Variants in MOCOS observed in about 807,000 individuals in gnomAD.
The protein encoded by MOCOS is molybdenum cofactor sulfurase, also known as human molybdenum cofactor sulfurase.
MOCOS carries 86 observed loss-of-function variants against 83.6 expected under a neutral mutation model. The ratio of observed to expected loss-of-function variants is 1.03; its 90% CI spans 0.86 to 1.23. The LOEUF is 1.23. Among genes scored for constraint, MOCOS ranks in the 50% most tolerant of loss-of-function variants. The probability of loss-of-function intolerance (pLI) is 0.00; values close to 1 mark genes in which losing one functional copy is unlikely to be tolerated. For missense variants in MOCOS, 1,120 were observed against 1,126.9 expected, an observed-to-expected ratio of 0.99 and a Z score of 0.09; for synonymous variants, 445 against 434.7, an observed-to-expected ratio of 1.02 and a Z score of -0.29.
chr18:36,213,801 C>G (rs906031652), intron 7 of MOCOS, among the ~76,000 whole-genome samples: 1 of 151,804 alleles, frequency 6.6e-6, no homozygotes, highest in Non-Finnish European at 1.5e-5. Flanking sequence ...TGATGGCATG[C>G]GCCTGTAATC....
intron 5 of MOCOS, 110 bp from the exon 6 acceptor site, chr18:36,204,967 T>C (rs2091428921): frequency 9.2e-6 from 9 of 975,448 alleles, no homozygotes; most frequent in Non-Finnish European, 1.3e-5. Context: ...CACTCCAGCC[T>C]GGGTGACAGA....
chr18:36,262,774 G>A (rs1219612569), intron 13 of MOCOS, among the ~76,000 whole-genome samples: 1 of 152,210 alleles, frequency 6.6e-6, no homozygotes, highest in Non-Finnish European at 1.5e-5. Flanking sequence ...TGGGATTATA[G>A]GCATAGGCCA....
At chr18:36,209,732 T>A (rs954053116) in intron 6 of MOCOS, among the ~76,000 whole-genome samples, 3 of 152,232 alleles carry the variant, frequency 2.0e-5, no homozygotes, top group Non-Finnish European at 4.4e-5. Flanking sequence ...CTTTATCCAC[T>A]CATTGGTTGA....
chr18:36,249,490 G>T (rs1474909425), intron 10 of MOCOS, among the ~76,000 whole-genome samples: 2 of 152,164 alleles, frequency 1.3e-5, no homozygotes, highest in Non-Finnish European at 2.9e-5. Flanking sequence ...ACAGTGTCAA[G>T]AGGACAGTGT....
intron 6 of MOCOS, among the ~76,000 whole-genome samples, chr18:36,211,332 C>G (rs2091454828): frequency 6.6e-6 from 1 of 151,318 alleles, no homozygotes; most frequent in Admixed American, 6.6e-5. Context: ...TGATTAAGAG[C>G]AGGGACTCAG....
rs551000650 is a variant in MOCOS at position 36,261,083 on chromosome 18, T to C, written c.2409+908T>C. On this transcript the variant is annotated intron_variant, in intron 13 of 14. Transcript: ENST00000261326. ...TTGAATGACACTGGCCCAGAGTCAGTGCTCAATAAGTAATTGTTGAGGGAA... is the reference window on the plus strand; with the variant it reads ...TTGAATGACACTGGCCCAGAGTCAGCGCTCAATAAGTAATTGTTGAGGGAA... 8.5e-5 allele frequency among the ~76,000 whole-genome samples: 13 copies of C among 152,162 alleles called. No homozygotes were observed. The South Asian group carries it at 1.7e-3, about 19-fold the overall frequency.
intron 4 of MOCOS, 137 bp from the exon 5 acceptor site, chr18:36,202,976 A>G (rs1378894324): frequency 1.7e-5 from 14 of 817,420 alleles, no homozygotes; most frequent in Non-Finnish European, 2.8e-5. Context: ...ACAATTAGAG[A>G]TGAGATTTAG....
chr18:36,247,033 G>A (rs2091605086), intron 9 of MOCOS, among the ~76,000 whole-genome samples: 1 of 151,846 alleles, frequency 6.6e-6, no homozygotes, highest in Non-Finnish European at 1.5e-5. Context: ...ACTTGCTGTG[G>A]CCACTCTGGG....
Position 36,199,852 on chromosome 18 carries a change from G to A in MOCOS, c.469G>A (p.Gly157Ser), listed in dbSNP as rs1441023873. The A allele has an allele frequency of 6.2e-7, 1 of 1,614,032 alleles. No homozygotes were observed. Among genetic ancestry groups the A allele is most frequent in the African/African-American group, 1.3e-5 (1 of 74,914 alleles). ...YLTDSHTSVV[G>S]MRNVTMAINV... ...CACCGACAGCCACACCTCCGTAGTG[G>A]GTATGCGGAACGTGACCATGGCTAT... The change falls in exon 4 of 15, where the codon GGT becomes AGT. Residue 157 changes from glycine to serine, a missense_variant. Coordinates refer to ENST00000261326, the MANE Select transcript of MOCOS (RefSeq NM_017947.4).
chr18:36,266,571 A>C (rs1017103521), intron 13 of MOCOS, among the ~76,000 whole-genome samples, 178 bp from the exon 14 acceptor site: 1 of 152,118 alleles, frequency 6.6e-6, no homozygotes, highest in South Asian at 2.1e-4. Context: ...GACCTTAAGC[A>C]GTGGTCTTTT....
In MOCOS at chr18:36,248,926, G is replaced by A. The variant is rs1050180430; in HGVS notation, c.1965G>A (p.Met655Ile). The change falls in exon 10 of 15, where the codon ATG becomes ATA. Residue 655 changes from methionine (M) to isoleucine (I), a missense_variant. Coordinates refer to ENST00000261326, the MANE Select transcript of MOCOS (RefSeq NM_017947.4). ...TTTTTAACCTTTGTTCATTAGGGAT[G>A]GAGCCTATAGAGGTGCCTCTTGAGG... ...QRIMVIKAKGMEPIEVPLEEN... is the reference protein window; with the variant it reads ...QRIMVIKAKGIEPIEVPLEEN... 1.9e-5 allele frequency: 31 copies of A among 1,613,642 alleles called. No homozygotes were observed. The highest frequency in any genetic ancestry group is 2.6e-5 in the Non-Finnish European group (31 of 1,179,564).
At chr18:36,204,276 CTG>C (rs1012007245) in intron 5 of MOCOS, among the ~76,000 whole-genome samples, 3 of 151,922 alleles carry the variant, frequency 2.0e-5, no homozygotes, top group African/African-American at 7.3e-5. Flanking sequence ...TTTTTTTTCT[CTG>C]TGGATTTGCC....
At chr18:36,238,942 G>A (rs2091570278) in intron 9 of MOCOS, among the ~76,000 whole-genome samples, 1 of 150,656 alleles carries the variant, frequency 6.6e-6, no homozygotes, top group African/African-American at 2.4e-5. Flanking sequence ...TTTTATCAGA[G>A]ACTAGGATTG....
At chr18:36,264,958 T>C (rs539467624) in intron 13 of MOCOS, among the ~76,000 whole-genome samples, 6 of 152,258 alleles carry the variant, frequency 3.9e-5, no homozygotes, top group African/African-American at 1.4e-4. Context: ...GCAAAAAGGA[T>C]TATAAACTAG....
In MOCOS at chr18:36,200,308, C is replaced by T; in HGVS notation, c.925C>T (p.Gln309Ter). ...LAGEDFYIPR[Q>*]SVAQRFEDGT... is the part of the protein sequence containing the mutation. Reference sequence around the variant, plus strand: ...AGGAGAAGACTTCTACATCCCGAGGCAGTCGGTAGCTCAGAGGTAACCTTG... The same window carrying T: ...AGGAGAAGACTTCTACATCCCGAGGTAGTCGGTAGCTCAGAGGTAACCTTG... Residue 309 changes from glutamine to a stop codon, truncating the protein, a stop_gained, in exon 4 of 15, where the codon CAG becomes TAG. Transcript: ENST00000261326. LOFTEE classifies it high-confidence loss of function. 1 of 1,614,080 alleles carries T rather than the reference C, an allele frequency of 6.2e-7. No individual in the cohort carries two copies. The highest frequency in any genetic ancestry group is 8.5e-7 in the Non-Finnish European group (1 of 1,180,038).
chr18:36,229,219 T>C (rs1218652704), intron 9 of MOCOS, among the ~76,000 whole-genome samples: 3 of 151,990 alleles, frequency 2.0e-5, no homozygotes, highest in Non-Finnish European at 4.4e-5. Context: ...TGAGGAACTT[T>C]CTTTTGCATT....
chr18:36,197,169 G>T (rs2091391679), intron 2 of MOCOS, among the ~76,000 whole-genome samples: 1 of 152,148 alleles, frequency 6.6e-6, no homozygotes, highest in Admixed American at 6.5e-5. Flanking sequence ...ATATTTGGAG[G>T]CCGGGATCAA....
rs373551749 is a variant in MOCOS, at chr18:36,215,683, C to A, written c.1503C>A (p.Ala501=). The A allele has an allele frequency of 1.1e-5, 18 of 1,614,152 alleles. No homozygotes were observed. Among genetic ancestry groups the A allele is most frequent in the Non-Finnish European group, 1.4e-5 (17 of 1,180,038 alleles). Residue 501 remains alanine, a synonymous_variant, in exon 8 of 15, where the codon GCC becomes GCA. Transcript: ENST00000261326. ...CAGGGGACTGGCCTGTCCCTCAGGC[C>A]CATGCTGACACCGGGGAGACTGGAG... The part of the protein sequence containing the change: ...HSSGDWPVPQ[A]HADTGETGAP...
intron 6 of MOCOS, among the ~76,000 whole-genome samples, chr18:36,208,668 T>C (rs888782585): frequency 1.3e-5 from 2 of 152,202 alleles, no homozygotes; most frequent in South Asian, 2.1e-4. Context: ...ACTGAAGTTG[T>C]TTATTAGTTC....
Sources: allele counts gnomAD v4.1 joint callset (sites outside exome capture counted in the v4.1 genomes callset), GRCh38; gene constraint gnomAD v4.1.1; transcripts MANE v1.5; gene names NCBI Gene and HGNC (gene_info 2026-07-23, HGNC 2026-07-21).